LGR4: variants seen among roughly 807,000 people sequenced by gnomAD.
The protein encoded by LGR4 is leucine rich repeat containing G protein-coupled receptor 4.
LGR4 carries 44 observed loss-of-function variants against 84.8 expected under a neutral mutation model. The ratio of observed to expected loss-of-function variants is 0.52; its 90% CI spans 0.41 to 0.67. The LOEUF is 0.67. LGR4 is among the 30% of genes least tolerant of loss of function. The probability of loss-of-function intolerance (pLI) is 0.00; values close to 1 mark genes in which losing one functional copy is unlikely to be tolerated. For missense variants in LGR4, 1,032 were observed against 1,131.4 expected (o/e 0.91, Z 1.26); for synonymous variants, 429 against 434.3 (o/e 0.99, Z 0.15).
chr11:27,437,845 G>T (rs953679598), intron 1 of LGR4, among the ~76,000 whole-genome samples: 2 of 151,930 alleles, frequency 1.3e-5, no homozygotes, highest in Non-Finnish European at 2.9e-5. Context: ...CTACAAAAAA[G>T]ATTAAAAAAT....
intron 1 of LGR4, among the ~76,000 whole-genome samples, chr11:27,441,414 C>A (rs1395814453): frequency 6.6e-6 from 1 of 151,344 alleles, no homozygotes; most frequent in African/African-American, 2.5e-5. Flanking sequence ...ATTTCACACA[C>A]AAAAAAAGTG....
At chr11:27,452,378 G>A (rs1401218483) in intron 1 of LGR4, among the ~76,000 whole-genome samples, 3 of 152,072 alleles carry the variant, frequency 2.0e-5, no homozygotes, top group Admixed American at 1.3e-4. Flanking sequence ...CAGCTAAACC[G>A]GGAAATTTAC....
chr11:27,454,848 G>GACAA (rs1399110416), intron 1 of LGR4, among the ~76,000 whole-genome samples: 1 of 151,412 alleles, frequency 6.6e-6, no homozygotes, highest in East Asian at 1.9e-4. Context: ...ACAAAGTACT[G>GACAA]AGCCCATGGA....
At chr11:27,422,718 T>C (rs1011888269) in intron 1 of LGR4, among the ~76,000 whole-genome samples, 4 of 152,208 alleles carry the variant, frequency 2.6e-5, no homozygotes, top group Non-Finnish European at 5.9e-5. Flanking sequence ...TACAGCTGCC[T>C]TCCTAGTACC....
At chr11:27,425,400 A>G (rs1461980058) in intron 1 of LGR4, among the ~76,000 whole-genome samples, 1 of 151,128 alleles carries the variant, frequency 6.6e-6, no homozygotes, top group Non-Finnish European at 1.5e-5. Context: ...GCACAATCAG[A>G]GCTCACTGCA....
chr11:27,380,163 C>G (rs762008298), intron 10 of LGR4, 108 bp downstream of exon 10: 17 of 639,956 alleles, frequency 2.7e-5, no homozygotes, highest in Admixed American at 1.3e-4. Flanking sequence ...AAAGGGAAAC[C>G]GGAGGAATCA....
chr11:27,392,385 T>C, intron 3 of LGR4, 62 bp downstream of exon 3: 1 of 1,293,932 alleles, frequency 7.7e-7, no homozygotes, highest in Non-Finnish European at 1.1e-6. Context: ...GTTCCAAGCA[T>C]GTTGACTACG....
intron 2 of LGR4, among the ~76,000 whole-genome samples, chr11:27,405,061 C>T (rs1264607906): frequency 6.6e-6 from 1 of 152,188 alleles, no homozygotes; most frequent in Non-Finnish European, 1.5e-5. Flanking sequence ...AACTTCTAAG[C>T]TTTAACCACT....
intron 17 of LGR4, 77 bp downstream of exon 17, chr11:27,371,538 T>C (rs1862882631): frequency 5.0e-6 from 5 of 1,004,238 alleles, no homozygotes; most frequent in Middle Eastern, 2.1e-4. Context: ...AAATCACATC[T>C]ATACCCAGGA....
In LGR4 at chr11:27,373,364, A is replaced by G. The variant is rs545866142; in HGVS notation, c.1379+187T>C. The G allele has an allele frequency of 4.4e-4, 214 of 489,746 alleles. 3 individuals are homozygous for G. Among genetic ancestry groups the G allele is most frequent in the African/African-American group, 3.7e-3 (191 of 51,356 alleles). The allele number at this position is 489,746 out of a possible 1,614,324, so 30.3% of individuals were successfully genotyped here. A position where few individuals can be genotyped will look rare whatever the true frequency, so the allele number is the denominator to read the frequency against. Reference sequence around the variant, plus strand: ...GAGGCCATCAAGGGCTCCAGTTCACATTCTTAAAGACTGTGGAATAATGTT... The same window carrying G: ...GAGGCCATCAAGGGCTCCAGTTCACGTTCTTAAAGACTGTGGAATAATGTT... On this transcript the variant is annotated intron_variant, in intron 15 of 17. Transcript: ENST00000379214.
In LGR4 at chr11:27,472,760, C is replaced by G. The variant is rs766465593; in HGVS notation, c.-458G>C. The G allele has an allele frequency of 1.2e-4, 40 of 344,004 alleles. No individual in the cohort carries two copies. Among genetic ancestry groups the G allele is most frequent in the Middle Eastern group, 1.5e-3 (2 of 1,304 alleles). The allele number at this position is 344,004 out of a possible 1,614,324, so 21.3% of individuals were successfully genotyped here. A position where few individuals can be genotyped will look rare whatever the true frequency, so the allele number is the denominator to read the frequency against. ...TCCCAGCCGCGGCTCAATCTCTTCC[C>G]GTCCTTTTCCCTTCTAGGGTTGCAC... is the stretch of plus-strand genomic sequence containing the variant. On this transcript the variant is annotated 5_prime_UTR_variant, in exon 1 of 18. Coordinates refer to ENST00000379214, the MANE Select transcript of LGR4 (RefSeq NM_018490.5).
intron 1 of LGR4, among the ~76,000 whole-genome samples, chr11:27,424,895 G>A (rs114620681): frequency 0.014 from 2,151 of 152,106 alleles, 53 homozygotes; most frequent in African/African-American, 0.049. Flanking sequence ...TTATAGGCAC[G>A]TGCCACCACA....
chr11:27,414,023 TAGC>T (rs1863764011), intron 1 of LGR4, among the ~76,000 whole-genome samples: 1 of 152,036 alleles, frequency 6.6e-6, no homozygotes, highest in Non-Finnish European at 1.5e-5. Flanking sequence ...ACAGTAACAG[TAGC>T]AGCAACAAAA....
In LGR4 at chr11:27,431,346, C is replaced by G. The variant is rs562009597; in HGVS notation, c.186-18486G>C. Reference sequence around the variant, plus strand: ...GCACATTCACATGTGAGAACCACTGCAGTATATTACAATGGCCCCTTATGC... The same window carrying G: ...GCACATTCACATGTGAGAACCACTGGAGTATATTACAATGGCCCCTTATGC... On this transcript the variant is annotated intron_variant, in intron 1 of 17. Transcript: ENST00000379214. 3.3e-4 allele frequency among the ~76,000 whole-genome samples: 50 copies of G among 152,272 alleles called. 2 individuals are homozygous for G. In the South Asian group the frequency reaches 0.01, roughly 31 times the overall value.
chr11:27,466,955 TTTTTA>T (rs1387575538), intron 1 of LGR4, among the ~76,000 whole-genome samples: 19 of 152,022 alleles, frequency 1.2e-4, no homozygotes, highest in Non-Finnish European at 1.5e-4. Context: ...GGCTAATTTT[TTTTTA>T]TTTTAAGTAG....
chr11:27,471,412 G>A (rs1032579948), intron 1 of LGR4, among the ~76,000 whole-genome samples: 1 of 152,190 alleles, frequency 6.6e-6, no homozygotes, highest in Non-Finnish European at 1.5e-5. Flanking sequence ...TCTTTAAAAG[G>A]CCTTGTTGGG....
intron 2 of LGR4, among the ~76,000 whole-genome samples, chr11:27,404,528 G>A (rs536172140): frequency 1.3e-5 from 2 of 152,270 alleles, no homozygotes; most frequent in African/African-American, 2.4e-5. Context: ...AGTGGCCAGT[G>A]AATAACTATG....
intron 1 of LGR4, among the ~76,000 whole-genome samples, chr11:27,444,258 G>C (rs1276460217): frequency 6.6e-6 from 1 of 152,118 alleles, no homozygotes; most frequent in African/African-American, 2.4e-5. Flanking sequence ...GTGAAAGAGG[G>C]ACTACTGAGA....
Position 27,368,700 on chromosome 11 carries a change from C to T in LGR4, c.2023G>A (p.Val675Ile), listed in dbSNP as rs1229048489. Reference sequence around the variant, plus strand: ...TGGAAAAGGGGAAAACAGCCTGCTACTGTAGCACCTAGGAAAGCCAAAAGG... The same window carrying T: ...TGGAAAAGGGGAAAACAGCCTGCTATTGTAGCACCTAGGAAAGCCAAAAGG... The part of the protein sequence containing the change: ...AALLAFLGAT[V>I]AGCFPLFHRG... Residue 675 changes from valine to isoleucine, a missense_variant, in exon 18 of 18, where the codon GTA (valine) becomes ATA (isoleucine). By Grantham distance (29) the Val-to-Ile change is conservative. Transcript: ENST00000379214. 3 of 1,613,636 alleles carry T rather than the reference C, an allele frequency of 1.9e-6. No individual in the cohort carries two copies. The highest frequency in any genetic ancestry group is 2.7e-5 in the African/African-American group (2 of 74,894).
Sources: allele counts gnomAD v4.1 joint callset (sites outside exome capture counted in the v4.1 genomes callset), GRCh38; gene constraint gnomAD v4.1.1; transcripts MANE v1.5; gene names NCBI Gene and HGNC (gene_info 2026-07-23, HGNC 2026-07-21).